The following C5 variants were observed in gnomAD, a reference collection of about 807,000 sequenced individuals.
C5 encodes complement C5.
Under a neutral mutation model 218.8 loss-of-function variants are expected in C5, and 140 were observed. That is an observed-to-expected ratio of 0.64 (90% CI 0.56 to 0.74). The LOEUF is 0.74. Ranked by LOEUF, C5 falls within the 30% of genes least tolerant of loss-of-function variation. The pLI is 0.00. For missense variants in C5, 1,700 were observed against 1,969.6 expected, an observed-to-expected ratio of 0.86 and a Z score of 2.59; for synonymous variants, 614 against 682.3, an observed-to-expected ratio of 0.90 and a Z score of 1.56.
Position 120,981,830 on chromosome 9 carries a change from A to T in C5, c.3486+14T>A, listed in dbSNP as rs2046995873. On this transcript the variant is annotated intron_variant, in intron 27 of 40. Transcript: ENST00000223642. ...ATAGATGATGGGTGTGAGAGAAAGA[A>T]AACTCTTACTTACCACCAGGGGGCA... The T allele has an allele frequency of 6.3e-7, 1 of 1,576,690 alleles. No homozygotes were observed. Among genetic ancestry groups the T allele is most frequent in the African/African-American group, 1.3e-5 (1 of 74,288 alleles).
chr9:121,060,170 G>C, the C5 span, among the ~76,000 whole-genome samples: 7 of 152,258 alleles, frequency 4.6e-5, no homozygotes, highest in East Asian at 1.9e-4. Context: ...CTTATAATTA[G>C]CAAGTGTACT....
At chr9:120,981,159 C>G (rs1390606331) in intron 27 of C5, among the ~76,000 whole-genome samples, 4 of 152,214 alleles carry the variant, frequency 2.6e-5, no homozygotes, top group Non-Finnish European at 4.4e-5. Flanking sequence ...GCCTCCTCTC[C>G]CAGCTCCACA....
chr9:120,976,562 G>A (rs2046954393), intron 29 of C5, 138 bp downstream of exon 29: 2 of 767,614 alleles, frequency 2.6e-6, no homozygotes, highest in Non-Finnish European at 4.7e-6. Context: ...ATAACCTGTA[G>A]GGGTCCTTCA....
At chr9:120,982,152 C>T (rs1587958723) in intron 26 of C5, among the ~76,000 whole-genome samples, 1 of 152,230 alleles carries the variant, frequency 6.6e-6, no homozygotes, top group East Asian at 1.9e-4. Context: ...GCTGGTACTA[C>T]AGGCGTGCAC....
chr9:120,978,225 T>C (rs540267401), intron 28 of C5, among the ~76,000 whole-genome samples: 1 of 152,288 alleles, frequency 6.6e-6, no homozygotes, highest in East Asian at 1.9e-4. Flanking sequence ...CTCAAATCCT[T>C]TTTGGAACAA....
In C5 at chr9:121,050,224, C is replaced by A; in HGVS notation, c.23G>T (p.Cys8Phe). 1 of 1,613,878 alleles carries A rather than the reference C, an allele frequency of 6.2e-7. No individual in the cohort carries two copies. The highest frequency in any genetic ancestry group is 1.1e-5 in the South Asian group (1 of 91,082). ...GGTTTTCCCCAGGAAGATTAAAAAA[C>A]AAAGTATTCCCAAAAGGCCCATGGT... MGLLGIL[C>F]FLIFLGKTWG... The change falls in exon 1 of 41, where the codon TGT becomes TTT. Residue 8 changes from cysteine to phenylalanine, a missense_variant. Physicochemically the swap from Cys to Phe is radical, Grantham distance 205. Transcript: ENST00000223642.
At chr9:120,956,466 G>A (rs1017651098) in intron 39 of C5, among the ~76,000 whole-genome samples, 5 of 152,038 alleles carry the variant, frequency 3.3e-5, no homozygotes, top group Non-Finnish European at 2.9e-5. Context: ...TGGATAGGAA[G>A]AATTAATATT....
At chr9:121,031,971 G>A in intron 6 of C5, 142 bp downstream of exon 6, 1 of 541,996 alleles carries the variant, frequency 1.8e-6, no homozygotes, top group East Asian at 3.8e-5. Flanking sequence ...TGCTGAGGCA[G>A]AGAATTGCTT....
At chr9:121,002,264 A>G (rs11999826) in intron 20 of C5, among the ~76,000 whole-genome samples, 139 of 93,236 alleles carry the variant, frequency 1.5e-3, no homozygotes, top group African/African-American at 5.3e-3. Context: ...GTATATATGT[A>G]TATATATGTA....
At chr9:120,986,911 G>A (rs1372649533) in intron 25 of C5, among the ~76,000 whole-genome samples, 1 of 152,112 alleles carries the variant, frequency 6.6e-6, no homozygotes, top group Non-Finnish European at 1.5e-5. Flanking sequence ...CTGGCCCTGT[G>A]TGTCTTTTGA....
chr9:120,988,174 T>C (rs1179144826), intron 25 of C5, among the ~76,000 whole-genome samples: 1 of 152,208 alleles, frequency 6.6e-6, no homozygotes, highest in Non-Finnish European at 1.5e-5. Context: ...TTTTGGAAGA[T>C]ATGTTTCATT....
Position 120,981,918 on chromosome 9 carries a change from G to C in C5, c.3412C>G (p.Arg1138Gly), listed in dbSNP as rs184484615. The C allele has an allele frequency of 6.8e-6, 11 of 1,613,694 alleles. No individual in the cohort carries two copies. The highest frequency in any genetic ancestry group is 4.5e-5 in the East Asian group (2 of 44,872). Reference protein sequence around the residue: ...KLQGTLPVEARENSLYLTAFT... With the variant: ...KLQGTLPVEAGENSLYLTAFT... ...GCTGTAAGATATAAGCTGTTCTCTCGGGCTTCAACAGGCAAGGTACCCTAA... is the reference window on the plus strand; with the variant it reads ...GCTGTAAGATATAAGCTGTTCTCTCCGGCTTCAACAGGCAAGGTACCCTAA... Residue 1138 changes from arginine (R) to glycine (G), a missense_variant, in exon 27 of 41, where the codon CGA becomes GGA. Coordinates refer to ENST00000223642, the MANE Select transcript of C5 (RefSeq NM_001735.3).
At chr9:120,988,023 C>T (rs1218773269) in intron 25 of C5, among the ~76,000 whole-genome samples, 2 of 152,168 alleles carry the variant, frequency 1.3e-5, no homozygotes, top group African/African-American at 4.8e-5. Flanking sequence ...GATCTCTTGA[C>T]CTCATGATCC....
intron 4 of C5, among the ~76,000 whole-genome samples, 193 bp from the exon 5 acceptor site, chr9:121,035,087 T>C (rs2047512231): frequency 6.6e-6 from 1 of 152,172 alleles, no homozygotes; most frequent in Admixed American, 6.5e-5. Context: ...ATTTCAGCCA[T>C]TTCCCTTCTT....
At chr9:120,996,376 G>C (rs2047116836) in intron 21 of C5, 76 bp from the exon 22 acceptor site, 2 of 1,293,826 alleles carry the variant, frequency 1.5e-6, no homozygotes, top group Non-Finnish European at 2.2e-6. Flanking sequence ...AACTTTTCTG[G>C]ACCACTTTTC....
chr9:120,989,226 C>T, intron 24 of C5, 105 bp from the exon 25 acceptor site: 1 of 894,356 alleles, frequency 1.1e-6, no homozygotes, highest in Non-Finnish European at 1.9e-6. Flanking sequence ...TGGTGTTGGG[C>T]AGCAAGCATA....
chr9:120,984,634 T>C (rs1435789329), intron 25 of C5, among the ~76,000 whole-genome samples: 1 of 151,338 alleles, frequency 6.6e-6, no homozygotes, highest in Non-Finnish European at 1.5e-5. Flanking sequence ...TCCTTTGGGA[T>C]CAATTATAAA....
At chr9:120,998,337 G>A (rs907310318) in intron 20 of C5, among the ~76,000 whole-genome samples, 4 of 152,202 alleles carry the variant, frequency 2.6e-5, no homozygotes, top group Non-Finnish European at 2.9e-5. Context: ...AGACTGTTAC[G>A]TACTAAATTG....
At chr9:120,964,929 C>T (rs2046855362) in intron 33 of C5, among the ~76,000 whole-genome samples, 1 of 152,102 alleles carries the variant, frequency 6.6e-6, no homozygotes, top group African/African-American at 2.4e-5. Flanking sequence ...TGTTAGAAGA[C>T]ATAAAAGAGA....
Sources: allele counts gnomAD v4.1 joint callset (sites outside exome capture counted in the v4.1 genomes callset), GRCh38; gene constraint gnomAD v4.1.1; transcripts MANE v1.5; gene names NCBI Gene and HGNC (gene_info 2026-07-23, HGNC 2026-07-21).